Variants in TM9SF3 observed in about 807,000 individuals in gnomAD.
TM9SF3 encodes transmembrane 9 superfamily member 3, also known as SM-11044-binding protein.
A neutral mutation model predicts 78.6 loss-of-function variants in TM9SF3; 14 were observed. That is an observed-to-expected ratio of 0.18 (90% CI 0.12 to 0.28). The LOEUF (loss-of-function observed/expected upper bound fraction) is 0.28, where lower values mean the gene tolerates loss of function less well. Ranked by LOEUF, TM9SF3 falls within the 10% of genes least tolerant of loss-of-function variation. TM9SF3 has a pLI of 1.00. For synonymous variants in TM9SF3, 231 were observed against 241.7 expected, an observed-to-expected ratio of 0.96 and a Z score of 0.41; for missense variants, 496 against 721.9, an observed-to-expected ratio of 0.69 and a Z score of 3.59.
chr10:96,529,883 G>C (rs944286945), intron 11 of TM9SF3, among the ~76,000 whole-genome samples: 7 of 152,094 alleles, frequency 4.6e-5, no homozygotes, highest in African/African-American at 1.7e-4. Context: ...AGGAGCCAAG[G>C]GTGTACAGCT....
intron 11 of TM9SF3, among the ~76,000 whole-genome samples, chr10:96,529,696 T>C (rs1007888934): frequency 3.3e-5 from 5 of 151,902 alleles, no homozygotes; most frequent in African/African-American, 1.2e-4. Context: ...TAAAATATTA[T>C]GTATGTATCT....
At chr10:96,529,140 T>C (rs898530947) in intron 11 of TM9SF3, among the ~76,000 whole-genome samples, 6 of 152,146 alleles carry the variant, frequency 3.9e-5, no homozygotes, top group Non-Finnish European at 7.4e-5. Context: ...GCACAAAGCA[T>C]TGTCAGACTG....
At chr10:96,537,508 G>A (rs949362841) in intron 9 of TM9SF3, among the ~76,000 whole-genome samples, 2 of 152,204 alleles carry the variant, frequency 1.3e-5, no homozygotes, top group Non-Finnish European at 2.9e-5. Context: ...AATGATGCAT[G>A]ACTGTAACAG....
At chr10:96,554,224 TTATTGC>T (rs1457520340) in intron 5 of TM9SF3, among the ~76,000 whole-genome samples, 1 of 152,242 alleles carries the variant, frequency 6.6e-6, no homozygotes, top group East Asian at 1.9e-4. Context: ...AAAGTTATTG[TTATTGC>T]TATTATTCTC....
intron 4 of TM9SF3, chr10:96,561,053 C>T (rs1848302005): frequency 3.0e-6 from 1 of 328,282 alleles, no homozygotes; most frequent in South Asian, 2.7e-5. Flanking sequence ...TCTCAATCTC[C>T]TTTTCTGATC....
At chr10:96,546,718 T>C (rs1033404879) in intron 8 of TM9SF3, among the ~76,000 whole-genome samples, 1 of 152,152 alleles carries the variant, frequency 6.6e-6, no homozygotes, top group Non-Finnish European at 1.5e-5. Flanking sequence ...CAGGTCACAT[T>C]AAGTCTAGGA....
chr10:96,551,416 A>C lies in TM9SF3; in HGVS notation c.793-5T>G. On this transcript the variant is annotated splice_region_variant and splice_polypyrimidine_tract_variant and intron_variant, in intron 6 of 14. Transcript: ENST00000371142. ...TTCATCTCCTAGGTCTCTATCCTAT[A>C]TACAAATATATATATAGAGAGAGAA... is the stretch of plus-strand genomic sequence containing the variant. 6.4e-7 allele frequency: 1 copy of C among 1,570,792 alleles called. No homozygotes were observed. The highest frequency in any genetic ancestry group is 8.6e-7 in the Non-Finnish European group (1 of 1,159,186).
intron 1 of TM9SF3, among the ~76,000 whole-genome samples, chr10:96,585,212 G>A (rs1191849553): frequency 6.6e-6 from 1 of 152,012 alleles, no homozygotes; most frequent in Non-Finnish European, 1.5e-5. Context: ...TGAGAGTTCT[G>A]AGTTTCATAT....
chr10:96,584,816 T>A (rs1415702423), intron 1 of TM9SF3, among the ~76,000 whole-genome samples: 2 of 152,018 alleles, frequency 1.3e-5, no homozygotes, highest in African/African-American at 4.8e-5. Context: ...GTCTCAAAAA[T>A]AAATAAATAA....
chr10:96,551,433 G>C (rs10882816), intron 6 of TM9SF3, 22 bp from the exon 7 acceptor site: 4 of 1,415,196 alleles, frequency 2.8e-6, no homozygotes, highest in Non-Finnish European at 3.7e-6. Context: ...TATATATATA[G>C]AGAGAGAAAA....
chr10:96,545,840 G>A (rs1458320250), intron 8 of TM9SF3, among the ~76,000 whole-genome samples: 1 of 152,184 alleles, frequency 6.6e-6, no homozygotes, highest in Non-Finnish European at 1.5e-5. Flanking sequence ...AGTAAGCTGA[G>A]ATCGTGCCAT....
chr10:96,541,675 C>A (rs187965955), intron 9 of TM9SF3, among the ~76,000 whole-genome samples: 221 of 152,308 alleles, frequency 1.5e-3, no homozygotes, highest in Middle Eastern at 0.014. Context: ...GCCATCATGC[C>A]CAGCCAGATG....
At chr10:96,535,809 T>A (rs1589448591) in intron 9 of TM9SF3, among the ~76,000 whole-genome samples, 1 of 152,246 alleles carries the variant, frequency 6.6e-6, no homozygotes, top group Non-Finnish European at 1.5e-5. Flanking sequence ...ACTGATCACA[T>A]CTTCTCAATC....
intron 14 of TM9SF3, among the ~76,000 whole-genome samples, chr10:96,526,035 T>C (rs1001816506): frequency 6.6e-6 from 1 of 152,112 alleles, no homozygotes; most frequent in African/African-American, 2.4e-5. Context: ...CAGCTACCCC[T>C]CACTGAGCAT....
chr10:96,532,848 T>G (rs1352876337), intron 10 of TM9SF3, among the ~76,000 whole-genome samples: 1 of 152,182 alleles, frequency 6.6e-6, no homozygotes, highest in African/African-American at 2.4e-5. Flanking sequence ...TGGCACGATA[T>G]TCAGAAAGTG....
At chr10:96,570,744 G>GA (rs58258718) in intron 2 of TM9SF3, among the ~76,000 whole-genome samples, 30,307 of 151,748 alleles carry the variant, frequency 0.2, 3,312 homozygotes, top group Admixed American at 0.31. Context: ...ACAACGGTGG[G>GA]AAAAAAACAA....
intron 9 of TM9SF3, among the ~76,000 whole-genome samples, chr10:96,543,337 T>G: frequency 1.3e-5 from 1 of 76,680 alleles, no homozygotes; most frequent in East Asian, 3.6e-4. Context: ...AAATGCTTAG[T>G]GAGATTCTTT....
intron 11 of TM9SF3, among the ~76,000 whole-genome samples, chr10:96,529,847 G>A (rs985461038): frequency 3.3e-5 from 5 of 152,146 alleles, no homozygotes; most frequent in Non-Finnish European, 5.9e-5. Flanking sequence ...ATTTTAAGTT[G>A]TCACAATGAC....
chr10:96,580,201 AC>A (rs1162911841), intron 1 of TM9SF3, among the ~76,000 whole-genome samples: 4 of 152,162 alleles, frequency 2.6e-5, no homozygotes, highest in African/African-American at 9.7e-5. Context: ...TGCTACACTT[AC>A]GTCATCCACG....
Sources: allele counts gnomAD v4.1 joint callset (sites outside exome capture counted in the v4.1 genomes callset), GRCh38; gene constraint gnomAD v4.1.1; transcripts MANE v1.5; gene names NCBI Gene and HGNC (gene_info 2026-07-23, HGNC 2026-07-21).